GAP43: variants seen among roughly 807,000 people sequenced by gnomAD.
GAP43 encodes the protein growth associated protein 43.
In GAP43, 6 loss-of-function variants were observed where a neutral mutation model predicts 18.6. That is an observed-to-expected ratio of 0.32 (90% confidence interval 0.18 to 0.64). The LOEUF is 0.64. Among genes scored for constraint, GAP43 ranks in the 30% least tolerant of loss-of-function variants. GAP43 has a pLI of 0.78. For missense variants in GAP43, 292 were observed against 295.5 expected, an observed-to-expected ratio of 0.99 and a Z score of 0.09; for synonymous variants, 115 against 111.4, an observed-to-expected ratio of 1.03 and a Z score of -0.20.
intron 1 of GAP43, among the ~76,000 whole-genome samples, chr3:115,626,994 A>G (rs1708196838): frequency 6.6e-6 from 1 of 151,040 alleles, no homozygotes; most frequent in Admixed American, 6.6e-5. Context: ...GACTTAGTGA[A>G]TTAATTAAGC....
intron 1 of GAP43, among the ~76,000 whole-genome samples, chr3:115,648,404 C>T (rs942379217): frequency 2.0e-5 from 3 of 152,076 alleles, no homozygotes; most frequent in Admixed American, 6.6e-5. Flanking sequence ...ATTTCAAACC[C>T]ACTGCACCCT....
chr3:115,680,068 C>A (rs1209418080), intron 2 of GAP43, among the ~76,000 whole-genome samples: 1 of 152,134 alleles, frequency 6.6e-6, no homozygotes, highest in Non-Finnish European at 1.5e-5. Flanking sequence ...CCTTCCTTCC[C>A]ATTCTGTCTC....
intron 2 of GAP43, among the ~76,000 whole-genome samples, chr3:115,717,271 G>A (rs1234465735): frequency 6.6e-6 from 1 of 151,962 alleles, no homozygotes; most frequent in Non-Finnish European, 1.5e-5. Flanking sequence ...TGATCTTAAA[G>A]GGTCCACTCA....
rs755305822 is a variant in GAP43 at position 115,676,374 on chromosome 3, C to T, written c.392C>T (p.Ser131Leu). ...EQAAPQAPAS[S>L]EEKAGSAETE... ...GCAGCCCCCCAGGCTCCTGCATCCT[C>T]AGAGGAGAAGGCCGGCTCAGCTGAG... The change falls in exon 2 of 3, where the codon TCA becomes TTA. Residue 131 changes from serine to leucine, a missense_variant. Transcript: ENST00000305124. 2.4e-5 allele frequency: 39 copies of T among 1,613,940 alleles called. No homozygotes were observed. The East Asian group carries it at 8.7e-4, about 36-fold the overall frequency.
intron 1 of GAP43, among the ~76,000 whole-genome samples, chr3:115,650,784 C>G (rs550916568): frequency 6.6e-6 from 1 of 152,188 alleles, no homozygotes; most frequent in East Asian, 1.9e-4. Context: ...TTTTCTTACT[C>G]TAGTCTTACT....
intron 2 of GAP43, among the ~76,000 whole-genome samples, chr3:115,680,699 C>T (rs570027555): frequency 6.4e-4 from 97 of 152,210 alleles, no homozygotes; most frequent in Non-Finnish European, 1.1e-3. Context: ...ACTATAAAAA[C>T]GTTGCATATA....
intron 1 of GAP43, among the ~76,000 whole-genome samples, chr3:115,656,968 G>A (rs1170459048): frequency 6.6e-6 from 1 of 152,082 alleles, no homozygotes; most frequent in African/African-American, 2.4e-5. Flanking sequence ...ATATACACAC[G>A]TACTTGCGTA....
intron 1 of GAP43, among the ~76,000 whole-genome samples, chr3:115,673,475 A>G (rs145004994): frequency 1.5e-3 from 236 of 152,342 alleles, no homozygotes; most frequent in African/African-American, 5.2e-3. Context: ...TGACTTGTCT[A>G]CTTTCACAAA....
intron 1 of GAP43, among the ~76,000 whole-genome samples, chr3:115,637,402 C>T (rs1273709709): frequency 6.6e-6 from 1 of 152,002 alleles, no homozygotes; most frequent in Non-Finnish European, 1.5e-5. Flanking sequence ...CTTGCATTAC[C>T]TCTCTGGGAC....
chr3:115,694,863 T>G (rs1709164723), intron 2 of GAP43, among the ~76,000 whole-genome samples: 1 of 152,308 alleles, frequency 6.6e-6, no homozygotes, highest in African/African-American at 2.4e-5. Context: ...CATGATTGGG[T>G]TTCCAATGGG....
At position 115,665,123 on chromosome 3, in the gene GAP43, A is replaced by G. The variant is rs533582452; in HGVS notation, c.31-10890A>G. 6.6e-5 allele frequency among the ~76,000 whole-genome samples: 10 copies of G among 152,246 alleles called. No homozygotes were observed. The South Asian group carries it at 1.5e-3, about 22-fold the overall frequency. On this transcript the variant is annotated intron_variant, in intron 1 of 2. Transcript: ENST00000305124. Reference sequence around the variant, plus strand: ...AAAATCATCCCATGTGCCCCCCTCAAATAAATAAGTATACTTCAAAAAGCA... The same window carrying G: ...AAAATCATCCCATGTGCCCCCCTCAGATAAATAAGTATACTTCAAAAAGCA...
At chr3:115,664,857 G>T (rs1020481830) in intron 1 of GAP43, among the ~76,000 whole-genome samples, 2 of 152,152 alleles carry the variant, frequency 1.3e-5, no homozygotes, top group Non-Finnish European at 2.9e-5. Flanking sequence ...CAAACCACAT[G>T]CCTTGTACCT....
At chr3:115,670,367 G>A (rs1708801498) in intron 1 of GAP43, among the ~76,000 whole-genome samples, 1 of 151,446 alleles carries the variant, frequency 6.6e-6, no homozygotes. Context: ...TGGTGTATAT[G>A]TGCCACATTT....
intron 2 of GAP43, among the ~76,000 whole-genome samples, chr3:115,714,243 A>G (rs1429167367): frequency 6.6e-6 from 1 of 152,220 alleles, no homozygotes; most frequent in Admixed American, 6.5e-5. Context: ...TCATGCATCA[A>G]GAATATATGA....
chr3:115,710,567 A>C (rs542342581), intron 2 of GAP43, among the ~76,000 whole-genome samples: 1 of 152,256 alleles, frequency 6.6e-6, no homozygotes, highest in Admixed American at 6.5e-5. Flanking sequence ...AATTTGGTTT[A>C]GTTCAAATCT....
chr3:115,654,017 C>T (rs1695137128), intron 1 of GAP43, among the ~76,000 whole-genome samples: 1 of 152,100 alleles, frequency 6.6e-6, no homozygotes, highest in Non-Finnish European at 1.5e-5. Context: ...ACACCAAATC[C>T]ACTGTCTATA....
chr3:115,659,535 A>C (rs1259074010), intron 1 of GAP43, among the ~76,000 whole-genome samples: 1 of 151,932 alleles, frequency 6.6e-6, no homozygotes, highest in Non-Finnish European at 1.5e-5. Flanking sequence ...AACATTAAAC[A>C]CTACGATGTG....
chr3:115,663,453 C>A, intron 1 of GAP43: 1 of 933,348 alleles, frequency 1.1e-6, no homozygotes, highest in Non-Finnish European at 1.3e-6. Context: ...TGACCTGATG[C>A]CCTCTCCCTC....
chr3:115,707,684 G>A (rs1386309184), intron 2 of GAP43, among the ~76,000 whole-genome samples: 3 of 152,042 alleles, frequency 2.0e-5, no homozygotes, highest in African/African-American at 7.3e-5. Flanking sequence ...GCTTATAGTA[G>A]ATATCTATTT....
Sources: allele counts gnomAD v4.1 joint callset (sites outside exome capture counted in the v4.1 genomes callset), GRCh38; gene constraint gnomAD v4.1.1; transcripts MANE v1.5; gene names NCBI Gene and HGNC (gene_info 2026-07-23, HGNC 2026-07-21).